Variants in GPM6A observed in about 807,000 individuals in gnomAD.
The protein encoded by GPM6A is neuronal membrane glycoprotein M6-a.
A neutral mutation model predicts 32.1 loss-of-function variants in GPM6A; 7 were observed. The observed-to-expected ratio is 0.22, with a 90% CI of 0.12 to 0.41. The LOEUF is 0.41. Among genes scored for constraint, GPM6A ranks in the 10% least tolerant of loss-of-function variants. The probability of loss-of-function intolerance (pLI) is 1.00; values close to 1 mark genes in which losing one functional copy is unlikely to be tolerated. For synonymous variants in GPM6A, 130 were observed against 123.4 expected, an observed-to-expected ratio of 1.05 and a Z score of -0.35; for missense variants, 235 against 347.2, an observed-to-expected ratio of 0.68 and a Z score of 2.57.
intron 4 of GPM6A, among the ~76,000 whole-genome samples, chr4:175,648,061 A>C (rs1741571962): frequency 6.6e-6 from 1 of 152,204 alleles, no homozygotes; most frequent in Non-Finnish European, 1.5e-5. Context: ...AATTTTAACC[A>C]CATATTTATG....
intron 1 of GPM6A, among the ~76,000 whole-genome samples, chr4:175,801,692 G>T (rs531504933): frequency 6.6e-6 from 1 of 152,166 alleles, no homozygotes; most frequent in Admixed American, 6.5e-5. Flanking sequence ...GGGGGACACA[G>T]GCATGGGTAA....
intron 3 of GPM6A, among the ~76,000 whole-genome samples, chr4:175,668,519 A>ATATGTGTGTGTGTGTGTGTGTG (rs1742873600): frequency 7.2e-6 from 1 of 139,236 alleles, no homozygotes; most frequent in East Asian, 2.4e-4. Flanking sequence ...TCAAACGTTT[A>ATATGTGTGTGTGTGTGTGTGTG]TGTGTGTGTG....
chr4:175,971,347 A>T (rs1351223698), intron 1 of GPM6A, among the ~76,000 whole-genome samples: 3 of 152,170 alleles, frequency 2.0e-5, no homozygotes, highest in Admixed American at 6.5e-5. Context: ...AACATAAAGC[A>T]TATTTTCTGA....
intron 1 of GPM6A, among the ~76,000 whole-genome samples, chr4:175,875,574 T>G (rs1391222430): frequency 6.6e-6 from 1 of 152,216 alleles, no homozygotes; most frequent in Non-Finnish European, 1.5e-5. Context: ...TTCCACATTT[T>G]ACTTTTTTAT....
upstream of GPM6A, chr4:175,813,060 T>C (rs1407484659): frequency 6.1e-6 from 6 of 983,310 alleles, no homozygotes; most frequent in East Asian, 6.8e-4. Flanking sequence ...TTTTACTTAG[T>C]GCCATATGAC....
At chr4:175,725,869 A>G (rs1186756687) in intron 1 of GPM6A, among the ~76,000 whole-genome samples, 1 of 152,180 alleles carries the variant, frequency 6.6e-6, no homozygotes, top group Non-Finnish European at 1.5e-5. Context: ...TGCAAACCAT[A>G]AATCATAATT....
chr4:175,885,546 G>T (rs539791651), intron 1 of GPM6A, among the ~76,000 whole-genome samples: 17 of 152,220 alleles, frequency 1.1e-4, no homozygotes, highest in Non-Finnish European at 1.9e-4. Flanking sequence ...TGGGCAGATG[G>T]CTTGAGCCTG....
At chr4:175,868,104 C>T (rs1004219838) in intron 1 of GPM6A, among the ~76,000 whole-genome samples, 12 of 152,212 alleles carry the variant, frequency 7.9e-5, no homozygotes, top group African/African-American at 2.7e-4. Flanking sequence ...TTGTCCACAT[C>T]AAGCCTCCAG....
intron 1 of GPM6A, among the ~76,000 whole-genome samples, chr4:175,830,071 G>T (rs1359003658): frequency 6.6e-6 from 1 of 152,032 alleles, no homozygotes; most frequent in Non-Finnish European, 1.5e-5. Flanking sequence ...GCAGGGAACA[G>T]AGGACCAGAG....
chr4:175,886,907 ATAAAT>A (rs1031964370), intron 1 of GPM6A, among the ~76,000 whole-genome samples: 5 of 152,098 alleles, frequency 3.3e-5, no homozygotes, highest in Non-Finnish European at 5.9e-5. Context: ...AAATGAAAAA[ATAAAT>A]TAAAAGAAAT....
chr4:175,671,773 C>G (rs1329214569), intron 3 of GPM6A, among the ~76,000 whole-genome samples: 2 of 152,166 alleles, frequency 1.3e-5, no homozygotes, highest in Non-Finnish European at 2.9e-5. Flanking sequence ...ACCCGCTGCT[C>G]TGCTGTCTCT....
intron 1 of GPM6A, among the ~76,000 whole-genome samples, chr4:175,811,308 C>A (rs1208026352): frequency 4.6e-5 from 7 of 152,148 alleles, no homozygotes; most frequent in African/African-American, 1.7e-4. Flanking sequence ...TGTGTTACTG[C>A]TTCAGTACTA....
At chr4:175,873,821 A>G (rs538204371) in intron 1 of GPM6A, among the ~76,000 whole-genome samples, 1 of 152,320 alleles carries the variant, frequency 6.6e-6, no homozygotes, top group East Asian at 1.9e-4. Context: ...CTCAGTAAAT[A>G]ATTGTGGTTA....
chr4:175,831,170 C>A (rs1422572905), intron 1 of GPM6A, among the ~76,000 whole-genome samples: 1 of 151,916 alleles, frequency 6.6e-6, no homozygotes, highest in African/African-American at 2.4e-5. Context: ...TTAATTACTG[C>A]AAATCCCTGC....
At chr4:175,901,883 C>A (rs551898186) in intron 1 of GPM6A, among the ~76,000 whole-genome samples, 1 of 152,112 alleles carries the variant, frequency 6.6e-6, no homozygotes, top group Admixed American at 6.5e-5. Context: ...CCACCTCAGC[C>A]TCTGAAAGTG....
chr4:175,857,263 AG>A (rs1382839932), intron 1 of GPM6A, among the ~76,000 whole-genome samples: 4 of 152,360 alleles, frequency 2.6e-5, no homozygotes, highest in African/African-American at 9.6e-5. Context: ...ATATGTGAAA[AG>A]TAAAATGTAT....
At chr4:175,892,198 TCA>T (rs1471160538) in intron 1 of GPM6A, among the ~76,000 whole-genome samples, 2 of 152,204 alleles carry the variant, frequency 1.3e-5, no homozygotes. Context: ...AGAGATAATA[TCA>T]CAGTCATTTA....
chr4:175,724,740 T>A (rs1285286196), intron 1 of GPM6A, among the ~76,000 whole-genome samples: 1 of 152,132 alleles, frequency 6.6e-6, no homozygotes, highest in Non-Finnish European at 1.5e-5. Context: ...GAATCAGGCC[T>A]TGAGAGAAGA....
chr4:175,661,566 A>C (rs1319758568), intron 3 of GPM6A, among the ~76,000 whole-genome samples: 1 of 152,208 alleles, frequency 6.6e-6, no homozygotes, highest in Non-Finnish European at 1.5e-5. Flanking sequence ...ATTGTTTGAA[A>C]GCATATGATC....
Sources: gnomAD v4.1 joint callset for allele counts (sites outside exome capture counted in the v4.1 genomes callset) on GRCh38, gnomAD v4.1.1 for gene constraint, MANE v1.5 for transcripts, NCBI Gene and HGNC (gene_info 2026-07-23, HGNC 2026-07-21) for gene names.